The following SGPP1 variants were observed in gnomAD, a reference collection of about 807,000 sequenced individuals.
The protein encoded by SGPP1 is hSPP1.
SGPP1 carries 21 observed loss-of-function variants against 33.0 expected under a neutral mutation model. That is an observed-to-expected ratio of 0.64 (90% confidence interval 0.45 to 0.92). The LOEUF is 0.92. Ranked by LOEUF, SGPP1 falls within the 40% of genes least tolerant of loss-of-function variation. The pLI, the probability that SGPP1 is intolerant of heterozygous loss-of-function variation, is 0.00. For synonymous variants in SGPP1, 239 were observed against 241.2 expected, an observed-to-expected ratio of 0.99 and a Z score of 0.08; for missense variants, 543 against 589.4, an observed-to-expected ratio of 0.92 and a Z score of 0.81.
chr14:63,686,294 G>A lies in SGPP1; in HGVS notation c.1137C>T (p.Ile379=). The change falls in exon 3 of 3, where the codon ATC becomes ATT. Residue 379 remains isoleucine, a synonymous_variant. Transcript: ENST00000247225. The part of the protein sequence containing the change: ...ILIGMVFVLI[I]RDVMKKITIP... ...TGGTGATCTTTTTCATTACATCTCT[G>A]ATTATTAGTACAAATACCATCCCTA... The A allele has an allele frequency of 6.2e-7, 1 of 1,614,028 alleles. No individual in the cohort carries two copies. The highest frequency in any genetic ancestry group is 8.5e-7 in the Non-Finnish European group (1 of 1,179,968).
intron 1 of SGPP1, among the ~76,000 whole-genome samples, chr14:63,722,156 AT>A (rs1235350018): frequency 6.6e-6 from 1 of 152,118 alleles, no homozygotes; most frequent in Non-Finnish European, 1.5e-5. Context: ...TAATAGGAAC[AT>A]TGGGGTATTA....
At chr14:63,692,844 T>A (rs1444293768) in intron 2 of SGPP1, among the ~76,000 whole-genome samples, 1 of 152,242 alleles carries the variant, frequency 6.6e-6, no homozygotes, top group Non-Finnish European at 1.5e-5. Flanking sequence ...TGGATTTTAT[T>A]TCAGTTACTC....
At chr14:63,705,396 G>A (rs1244036025) in intron 1 of SGPP1, among the ~76,000 whole-genome samples, 3 of 151,278 alleles carry the variant, frequency 2.0e-5, no homozygotes, top group Admixed American at 1.3e-4. Context: ...CGCCTGGCAT[G>A]GTGGCTCACA....
intron 1 of SGPP1, among the ~76,000 whole-genome samples, chr14:63,706,648 CAT>C (rs1271878798): frequency 3.9e-5 from 6 of 152,128 alleles, no homozygotes; most frequent in South Asian, 4.1e-4. Context: ...TTCATGAAAA[CAT>C]GTGTCAAACG....
chr14:63,726,442 G>A (rs1260565663), intron 1 of SGPP1, among the ~76,000 whole-genome samples: 1 of 150,986 alleles, frequency 6.6e-6, no homozygotes, highest in African/African-American at 2.4e-5. Context: ...TTTCAGAGAG[G>A]GTTAAAAAAA....
Position 63,688,564 on chromosome 14 carries a change from A to G in SGPP1, c.775-1908T>C, listed in dbSNP as rs1339435612. On this transcript the variant is annotated intron_variant, in intron 2 of 2. Coordinates refer to ENST00000247225, the MANE Select transcript of SGPP1 (RefSeq NM_030791.4). ...CGTATTTCTACCTTACAACAAAACA[A>G]AACCCTATGATCTACTATTACTGAA... 5.3e-5 allele frequency among the ~76,000 whole-genome samples: 8 copies of G among 152,174 alleles called. No individual in the cohort carries two copies. The South Asian group carries it at 1.7e-3, about 32-fold the overall frequency.
intron 1 of SGPP1, among the ~76,000 whole-genome samples, chr14:63,707,836 T>A (rs545725946): frequency 1.1e-4 from 17 of 152,276 alleles, no homozygotes; most frequent in African/African-American, 4.1e-4. Context: ...GTGGATTCTG[T>A]GCAGATTTTT....
rs540904480 is a variant in SGPP1 at position 63,713,297 on chromosome 14, A to G, written c.684+13964T>C. Among the ~76,000 whole-genome samples, 6 of 152,294 alleles carry G rather than the reference A, an allele frequency of 3.9e-5. No individual in the cohort carries two copies. The South Asian group carries it at 1.0e-3, about 26-fold the overall frequency. ...TACTTCTCAGCTTGCCAAGCAGGAA[A>G]CCTCAGAACAATACTTTTTTTCCTT... On this transcript the variant is annotated intron_variant, in intron 1 of 2. Transcript: ENST00000247225.
At position 63,686,362 on chromosome 14, in the gene SGPP1, T is replaced by TG; in HGVS notation, c.1068dup (p.Ile357HisfsTer44). The TG allele has an allele frequency of 2.5e-6, 4 of 1,614,088 alleles. No homozygotes were observed. The highest frequency in any genetic ancestry group is 2.5e-6 in the Non-Finnish European group (3 of 1,180,004). ...GCTTTTCCAAACAGAGTCACAGTAATGGGGGGCCCAGCTAAAGGTAATGTA... is the reference window on the plus strand; with the variant it reads ...GCTTTTCCAAACAGAGTCACAGTAATGGGGGGGCCCAGCTAAAGGTAATGTA... On this transcript the variant is annotated frameshift_variant, in exon 3 of 3. Coordinates refer to ENST00000247225, the MANE Select transcript of SGPP1 (RefSeq NM_030791.4). LOFTEE classifies it high-confidence loss of function.
intron 1 of SGPP1, among the ~76,000 whole-genome samples, chr14:63,708,705 C>T (rs1885465845): frequency 1.3e-5 from 2 of 152,188 alleles, no homozygotes; most frequent in South Asian, 4.1e-4. Flanking sequence ...CAATTTACTA[C>T]ATACCAGGTG....
intron 1 of SGPP1, among the ~76,000 whole-genome samples, chr14:63,718,508 G>T (rs995764415): frequency 6.6e-6 from 1 of 151,890 alleles, no homozygotes; most frequent in Non-Finnish European, 1.5e-5. Flanking sequence ...ATCATACATT[G>T]GAACATTATA....
chr14:63,687,047 A>G (rs1884994946), intron 2 of SGPP1, among the ~76,000 whole-genome samples: 1 of 152,204 alleles, frequency 6.6e-6, no homozygotes, highest in Non-Finnish European at 1.5e-5. Context: ...CAGGATATAC[A>G]TCCTAGGTAA....
Position 63,727,291 on chromosome 14 carries a change from A to G in SGPP1, c.654T>C (p.Ser218=), listed in dbSNP as rs2139659199. The G allele has an allele frequency of 6.2e-7, 1 of 1,613,692 alleles. No individual in the cohort carries two copies. The highest frequency in any genetic ancestry group is 1.3e-5 in the African/African-American group (1 of 75,048). The change falls in exon 1 of 3, where the codon TCT becomes TCC. Residue 218 remains serine (S), a synonymous_variant. Coordinates refer to ENST00000247225, the MANE Select transcript of SGPP1 (RefSeq NM_030791.4). ...AGCGGCCATAGGTGAGGAGGACCAT[A>G]GAAATGGGGATGGCGGTGCCGGACA... is the stretch of plus-strand genomic sequence containing the variant. The part of the protein sequence containing the change: ...HAMSGTAIPI[S]MVLLTYGRWQ...
intron 1 of SGPP1, among the ~76,000 whole-genome samples, chr14:63,709,200 C>T (rs556716214): frequency 1.6e-4 from 24 of 152,160 alleles, no homozygotes; most frequent in Middle Eastern, 6.8e-3. Context: ...CATAGTGAAA[C>T]TCCGTCTCTA....
intron 1 of SGPP1, among the ~76,000 whole-genome samples, chr14:63,698,917 CTACAAT>C (rs1309559755): frequency 6.6e-6 from 1 of 152,134 alleles, no homozygotes; most frequent in East Asian, 1.9e-4. Context: ...ACTTCTGCTT[CTACAAT>C]GAAGATTCAA....
At chr14:63,707,061 A>C (rs1002165697) in intron 1 of SGPP1, among the ~76,000 whole-genome samples, 1 of 148,390 alleles carries the variant, frequency 6.7e-6, no homozygotes, top group African/African-American at 2.6e-5. Flanking sequence ...AAAAAAAAAA[A>C]CTGACCCATA....
At chr14:63,718,977 C>CATAT (rs1221455081) in intron 1 of SGPP1, among the ~76,000 whole-genome samples, 622 of 26,922 alleles carry the variant, frequency 0.023, 9 homozygotes, top group Non-Finnish European at 0.029. Context: ...TATGTATATA[C>CATAT]ATATATATAT....
At chr14:63,698,289 C>T (rs1482830224) in intron 2 of SGPP1, among the ~76,000 whole-genome samples, 3 of 152,078 alleles carry the variant, frequency 2.0e-5, no homozygotes, top group Non-Finnish European at 4.4e-5. Flanking sequence ...ACAGAAAAGA[C>T]TGCAAAGGAA....
chr14:63,723,074 TCAAA>T (rs1473209930), intron 1 of SGPP1, among the ~76,000 whole-genome samples: 5 of 152,060 alleles, frequency 3.3e-5, no homozygotes, highest in Non-Finnish European at 7.4e-5. Context: ...TTAATTCAAG[TCAAA>T]CAGAGCTTTA....
Sources: allele counts gnomAD v4.1 joint callset (sites outside exome capture counted in the v4.1 genomes callset), GRCh38; gene constraint gnomAD v4.1.1; transcripts MANE v1.5; gene names NCBI Gene and HGNC (gene_info 2026-07-23, HGNC 2026-07-21).